Variants in SMPD3 observed in about 807,000 individuals in gnomAD.
SMPD3 encodes the protein sphingomyelin phosphodiesterase 3.
A neutral mutation model predicts 55.7 loss-of-function variants in SMPD3; 21 were observed. The ratio of observed to expected loss-of-function variants is 0.38; its 90% confidence interval spans 0.27 to 0.54. The LOEUF is 0.54. Among genes scored for constraint, SMPD3 ranks in the 20% least tolerant of loss-of-function variants. The probability of loss-of-function intolerance (pLI) is 0.80; values close to 1 mark genes in which losing one functional copy is unlikely to be tolerated. For missense variants in SMPD3, 842 were observed against 899.6 expected (o/e 0.94, Z 0.82); for synonymous variants, 457 against 404.3 (o/e 1.13, Z -1.56).
Position 68,371,150 on chromosome 16 carries a change from G to A in SMPD3, c.1032C>T (p.Ala344=). Residue 344 remains alanine (A), a synonymous_variant, in exon 3 of 9, where the codon GCC becomes GCT. Coordinates refer to ENST00000219334, the MANE Select transcript of SMPD3 (RefSeq NM_018667.4). ...AARRRRHPDE[A]FDHEVSAFFP... ...AGAAGGCGGAGACCTCATGGTCGAA[G>A]GCCTCGTCGGGGTGCCGCCTCCTGC... 2 of 1,613,696 alleles carry A rather than the reference G, an allele frequency of 1.2e-6. No individual in the cohort carries two copies. Among genetic ancestry groups the A allele is most frequent in the Non-Finnish European group, 1.7e-6 (2 of 1,180,014 alleles).
At chr16:68,383,990 C>T (rs140098175) in intron 2 of SMPD3, among the ~76,000 whole-genome samples, 1 of 152,324 alleles carries the variant, frequency 6.6e-6, no homozygotes, top group African/African-American at 2.4e-5. Flanking sequence ...TCCTCTGGCC[C>T]ACCTGGCAGC....
At chr16:68,377,051 G>A (rs145765119) in intron 2 of SMPD3, among the ~76,000 whole-genome samples, 42 of 152,294 alleles carry the variant, frequency 2.8e-4, no homozygotes, top group Non-Finnish European at 5.7e-4. Context: ...CCAGCCTGGT[G>A]TCCTGGGCAC....
intron 1 of SMPD3, among the ~76,000 whole-genome samples, chr16:68,440,295 C>T (rs1366437485): frequency 6.6e-6 from 1 of 152,186 alleles, no homozygotes; most frequent in African/African-American, 2.4e-5. Context: ...CTCCCATGCT[C>T]AGGTGATCCT....
At chr16:68,437,092 T>G (rs1448348094) in intron 1 of SMPD3, among the ~76,000 whole-genome samples, 1 of 152,236 alleles carries the variant, frequency 6.6e-6, no homozygotes, top group Non-Finnish European at 1.5e-5. Context: ...ACTGCATCTC[T>G]TGTTCTGTTT....
At chr16:68,388,173 G>T (rs1015964020) in intron 1 of SMPD3, among the ~76,000 whole-genome samples, 2 of 152,174 alleles carry the variant, frequency 1.3e-5, no homozygotes, top group Non-Finnish European at 2.9e-5. Context: ...TCTATGCTCT[G>T]CACGTGGTGA....
At chr16:68,387,241 C>T (rs567939309) in intron 1 of SMPD3, among the ~76,000 whole-genome samples, 1 of 152,058 alleles carries the variant, frequency 6.6e-6, no homozygotes, top group Non-Finnish European at 1.5e-5. Flanking sequence ...TGGCTCCCCC[C>T]TTATCTAAGG....
Position 68,363,525 on chromosome 16 carries a change from C to G in SMPD3, c.1680G>C (p.Glu560Asp). 1.2e-6 allele frequency: 2 copies of G among 1,614,030 alleles called. No individual in the cohort carries two copies. The highest frequency in any genetic ancestry group is 1.7e-4 in the Middle Eastern group (1 of 6,046). The change falls in exon 7 of 9, where the codon GAG (glutamate) becomes GAC (aspartate). Residue 560 changes from glutamate to aspartate, a missense_variant. Physicochemically the swap from Glu to Asp is conservative, Grantham distance 45. This residue lies in a region of SMPD3 where 649 missense variants were observed against 643.6 expected (regional missense o/e 1.01). Coordinates refer to ENST00000219334, the MANE Select transcript of SMPD3 (RefSeq NM_018667.4). ...TLLDTNGLYD[E>D]DVCTPDNLQK... ...GCAGGTTGTCGGGGGTGCACACATCCTCATCGTACAGGCCGTTCGTGTCCA... is the reference window on the plus strand; with the variant it reads ...GCAGGTTGTCGGGGGTGCACACATCGTCATCGTACAGGCCGTTCGTGTCCA...
At chr16:68,394,204 G>C (rs529548777) in intron 1 of SMPD3, among the ~76,000 whole-genome samples, 1 of 151,708 alleles carries the variant, frequency 6.6e-6, no homozygotes, top group South Asian at 2.1e-4. Context: ...TCATCCATTC[G>C]TCTCTCTCTT....
At chr16:68,421,434 C>T (rs2090393047) in intron 1 of SMPD3, among the ~76,000 whole-genome samples, 1 of 152,268 alleles carries the variant, frequency 6.6e-6, no homozygotes, top group East Asian at 1.9e-4. Flanking sequence ...AATGACAGCA[C>T]AGGAAGATAG....
intron 1 of SMPD3, among the ~76,000 whole-genome samples, chr16:68,419,764 G>A (rs547258805): frequency 1.3e-3 from 196 of 152,216 alleles, no homozygotes; most frequent in African/African-American, 4.6e-3. Flanking sequence ...CCATAATGAA[G>A]CCTTACTCCT....
At chr16:68,442,105 T>C (rs2090571318) in intron 1 of SMPD3, among the ~76,000 whole-genome samples, 1 of 152,180 alleles carries the variant, frequency 6.6e-6, no homozygotes, top group Non-Finnish European at 1.5e-5. Context: ...TGGTATTGGA[T>C]CAAAGAAGCC....
chr16:68,365,393 C>T (rs2089446928), intron 3 of SMPD3, among the ~76,000 whole-genome samples: 1 of 152,190 alleles, frequency 6.6e-6, no homozygotes, highest in South Asian at 2.1e-4. Context: ...CAGGCCCTGC[C>T]ATCTCCCAGT....
intron 1 of SMPD3, among the ~76,000 whole-genome samples, chr16:68,421,586 G>A (rs777111953): frequency 4.6e-5 from 7 of 152,206 alleles, no homozygotes; most frequent in Non-Finnish European, 2.9e-5. Context: ...GCCATGTCCA[G>A]TAAAACAATT....
In SMPD3 at chr16:68,404,487, G is replaced by C. The variant is rs938254990; in HGVS notation, c.-268-17828C>G. ...TCCCAGGCATGAGCCACCATGCCCAGCTGTTTTCTCTGTTTTATCCTGGAA... is the reference window on the plus strand; with the variant it reads ...TCCCAGGCATGAGCCACCATGCCCACCTGTTTTCTCTGTTTTATCCTGGAA... On this transcript the variant is annotated intron_variant, in intron 1 of 8. Coordinates refer to ENST00000219334, the MANE Select transcript of SMPD3 (RefSeq NM_018667.4). The surrounding 1 kb of genome is among the most constrained non-coding windows in gnomAD (Gnocchi z 4.0). 6.6e-6 allele frequency among the ~76,000 whole-genome samples: 1 copy of C among 152,134 alleles called. No individual in the cohort carries two copies. Among genetic ancestry groups the C allele is most frequent in the Non-Finnish European group, 1.5e-5 (1 of 68,018 alleles).
chr16:68,418,176 G>A (rs1009710969), intron 1 of SMPD3, among the ~76,000 whole-genome samples: 7 of 152,076 alleles, frequency 4.6e-5, no homozygotes, highest in African/African-American at 1.2e-4. Context: ...CTTTCTCATG[G>A]GAGAAAGATG....
chr16:68,371,574 C>T lies in SMPD3; in HGVS notation c.608G>A (p.Ser203Asn), dbSNP rs989390828. The T allele has an allele frequency of 1.3e-6, 2 of 1,583,508 alleles. No individual in the cohort carries two copies. Among genetic ancestry groups the T allele is most frequent in the Non-Finnish European group, 8.6e-7 (1 of 1,166,460 alleles). Reference protein sequence around the residue: ...GDGVARAVPGSIKRTASVEYK... With the variant: ...GDGVARAVPGNIKRTASVEYK... ...CTCCACAGAGGCTGTCCTCTTAATG[C>T]TCCCGGGGACGGCCCGGGCCACCCC... Residue 203 changes from serine (S) to asparagine (N), a missense_variant, in exon 3 of 9, where the codon AGC (serine) becomes AAC (asparagine). Physicochemically the swap from Ser to Asn is conservative, Grantham distance 46. Transcript: ENST00000219334.
chr16:68,435,734 A>G (rs1302383199), intron 1 of SMPD3, among the ~76,000 whole-genome samples: 1 of 152,136 alleles, frequency 6.6e-6, no homozygotes, highest in South Asian at 2.1e-4. Context: ...CCTCTGCCTG[A>G]CTCGGACAAA....
chr16:68,410,719 G>C (rs2152018071), intron 1 of SMPD3, among the ~76,000 whole-genome samples: 1 of 152,276 alleles, frequency 6.6e-6, no homozygotes, highest in Non-Finnish European at 1.5e-5. Context: ...GAGTTTTTTG[G>C]TTTGTTTGTT....
chr16:68,402,274 G>A (rs946801869), intron 1 of SMPD3, among the ~76,000 whole-genome samples: 1 of 152,156 alleles, frequency 6.6e-6, no homozygotes, highest in Non-Finnish European at 1.5e-5. Flanking sequence ...CTATAAAATG[G>A]GGAAGGTATG....
Sources: gnomAD v4.1 joint callset for allele counts (sites outside exome capture counted in the v4.1 genomes callset) on GRCh38, gnomAD v4.1.1 for gene constraint, gnomAD v4.1.1 regional missense constraint, Gnocchi (gnomAD v3.1) non-coding constraint, MANE v1.5 for transcripts, NCBI Gene and HGNC (gene_info 2026-07-23, HGNC 2026-07-21) for gene names.